PPT1: variants seen among roughly 807,000 people sequenced by gnomAD.
The protein encoded by PPT1 is palmitoyl-protein thioesterase 1, also known as ceroid-palmitoyl-palmitoyl-protein thioesterase 1.
PPT1 carries 24 observed loss-of-function variants against 44.0 expected under a neutral mutation model. That is an observed-to-expected ratio of 0.54 (90% CI 0.39 to 0.77). The LOEUF (loss-of-function observed/expected upper bound fraction) is 0.77, where lower values mean the gene tolerates loss of function less well. Ranked by LOEUF, PPT1 falls within the 30% of genes least tolerant of loss-of-function variation. The probability of loss-of-function intolerance (pLI) is 0.00; values close to 1 mark genes in which losing one functional copy is unlikely to be tolerated. For synonymous variants in PPT1, 148 were observed against 140.2 expected (o/e 1.06, Z -0.39); for missense variants, 341 against 378.8 (o/e 0.90, Z 0.83).
intron 1 of PPT1, among the ~76,000 whole-genome samples, chr1:40,093,752 G>A (rs539983230): frequency 2.4e-5 from 2 of 84,806 alleles, no homozygotes; most frequent in Non-Finnish European, 5.5e-5. Context: ...GGGTGTGGTG[G>A]CACATGTCTG....
chr1:40,075,622 A>C (rs1648576196), intron 8 of PPT1, among the ~76,000 whole-genome samples: 3 of 152,032 alleles, frequency 2.0e-5, no homozygotes, highest in Non-Finnish European at 4.4e-5. Flanking sequence ...GTAGACGGTG[A>C]TTGGTTCAGA....
intron 1 of PPT1, among the ~76,000 whole-genome samples, chr1:40,096,383 C>A (rs1649842611): frequency 6.6e-6 from 1 of 152,152 alleles, no homozygotes; most frequent in Non-Finnish European, 1.5e-5. Flanking sequence ...CTAGTAGGTG[C>A]TCAATAACTG....
Position 40,074,374 on chromosome 1 carries a change from TTCTC to T in PPT1, c.799-195_799-192del, listed in dbSNP as rs142249638. ...CTTTCTCTTTTTTCTTTTTCTTTCT[TTCTC>T]TTTCTTCCTTTCTTTTCTTTCTTCT... On this transcript the variant is annotated intron_variant, in intron 8 of 8. Coordinates refer to ENST00000642050, the MANE Select transcript of PPT1 (RefSeq NM_000310.4). Among the ~76,000 whole-genome samples the T allele has an allele frequency of 9.7e-4, 147 of 151,812 alleles. 3 individuals are homozygous for T. In the East Asian group the frequency reaches 0.026, roughly 27 times the overall value.
rs1443229687 is a variant in PPT1 at position 40,073,291 on chromosome 1, C to T, written c.*770G>A. 6.6e-6 allele frequency: 1 copy of T among 152,276 alleles called. No individual in the cohort carries two copies. Among genetic ancestry groups the T allele is most frequent in the Non-Finnish European group, 1.5e-5 (1 of 68,114 alleles). The allele number at this position is 152,276 out of a possible 1,614,324, so 9.4% of individuals were successfully genotyped here. A position where few individuals can be genotyped will look rare whatever the true frequency, so the allele number is the denominator to read the frequency against. On this transcript the variant is annotated 3_prime_UTR_variant, in exon 9 of 9. Transcript: ENST00000642050. ...GACCACTAGTCATATTAAGAAAGGG[C>T]AGGTTGGTCGAGAATGGAATAGGAA...
chr1:40,096,799 C>T (rs1649874401), intron 1 of PPT1: 1 of 396,292 alleles, frequency 2.5e-6, no homozygotes, highest in South Asian at 2.6e-5. Context: ...TATAGCCAGC[C>T]GCAGCTCACC....
At chr1:40,085,427 G>A (rs540967205) in intron 5 of PPT1, among the ~76,000 whole-genome samples, 3 of 152,172 alleles carry the variant, frequency 2.0e-5, no homozygotes, top group South Asian at 2.1e-4. Flanking sequence ...ATTCGGGGCC[G>A]CTACCAGTCT....
rs984412305 is a variant in PPT1 at position 40,085,178 on chromosome 1, C to T, written c.536+4232G>A. On this transcript the variant is annotated intron_variant, in intron 5 of 8. Coordinates refer to ENST00000642050, the MANE Select transcript of PPT1 (RefSeq NM_000310.4). ...TTCATGTTCCATCCTGTACACCTGGCTCTGCCTTTTAGATAGCAGTAGCAA... is the reference window on the plus strand; with the variant it reads ...TTCATGTTCCATCCTGTACACCTGGTTCTGCCTTTTAGATAGCAGTAGCAA... Among the ~76,000 whole-genome samples the T allele has an allele frequency of 3.9e-5, 6 of 152,204 alleles. No homozygotes were observed. The South Asian group carries it at 1.0e-3, about 26-fold the overall frequency.
At chr1:40,092,346 G>A in intron 2 of PPT1, 52 bp downstream of exon 2, 1 of 1,528,874 alleles carries the variant, frequency 6.5e-7, no homozygotes, top group South Asian at 1.1e-5. Flanking sequence ...AACAGTATAT[G>A]CTATGAAATC....
intron 7 of PPT1, 108 bp downstream of exon 7, chr1:40,078,452 T>C: frequency 1.8e-6 from 2 of 1,118,164 alleles, no homozygotes; most frequent in South Asian, 2.5e-5. Context: ...TCCACCCGCC[T>C]TGGCCTCCCA....
intron 1 of PPT1, 184 bp downstream of exon 1, chr1:40,096,931 A>G: frequency 9.6e-7 from 1 of 1,045,636 alleles, no homozygotes; most frequent in Non-Finnish European, 1.4e-6. Context: ...CTCTCTTTCC[A>G]GTGAAGGGGA....
intron 6 of PPT1, among the ~76,000 whole-genome samples, chr1:40,079,827 C>T (rs1369210256): frequency 3.9e-5 from 6 of 152,174 alleles, no homozygotes; most frequent in Admixed American, 3.9e-4. Flanking sequence ...TCAGAGAAAG[C>T]CAAGACAAAA....
chr1:40,079,392 C>CTTTTTTTTTTTTTT (rs11464192), intron 6 of PPT1, among the ~76,000 whole-genome samples: 6 of 90,116 alleles, frequency 6.7e-5, no homozygotes, highest in Non-Finnish European at 7.9e-5. Context: ...TTTTCTTTTC[C>CTTTTTTTTTTTTTT]TTTTTTTTTT....
Position 40,089,514 on chromosome 1 carries a change from TAC to T in PPT1, c.434-4_434-3del. 1 of 1,608,566 alleles carries T rather than the reference TAC, an allele frequency of 6.2e-7. No homozygotes were observed. Among genetic ancestry groups the T allele is most frequent in the Non-Finnish European group, 8.5e-7 (1 of 1,174,902 alleles). On this transcript the variant is annotated splice_polypyrimidine_tract_variant and splice_region_variant and intron_variant, in intron 4 of 8. Coordinates refer to ENST00000642050, the MANE Select transcript of PPT1 (RefSeq NM_000310.4). ...GGCATCGAGGGAGTCCAAAAACACC[TAC>T]AGTGGTAGATGACAAATATCCACTC...
At chr1:40,079,370 G>C (rs996581809) in intron 6 of PPT1, among the ~76,000 whole-genome samples, 2 of 144,718 alleles carry the variant, frequency 1.4e-5, no homozygotes, top group African/African-American at 5.1e-5. Context: ...TCACGGGATT[G>C]CTTACACAGC....
intron 8 of PPT1, 47 bp from the exon 9 acceptor site, chr1:40,074,230 TG>T: frequency 6.2e-7 from 1 of 1,608,106 alleles, no homozygotes; most frequent in Non-Finnish European, 8.5e-7. Context: ...AATGAAGTTT[TG>T]GAGTAAAATG....
intron 5 of PPT1, among the ~76,000 whole-genome samples, chr1:40,080,984 A>G (rs1327666480): frequency 6.6e-6 from 1 of 152,212 alleles, no homozygotes; most frequent in Non-Finnish European, 1.5e-5. Context: ...CCTTGTTGAG[A>G]CAGACTGTTC....
intron 7 of PPT1, among the ~76,000 whole-genome samples, chr1:40,077,651 C>T (rs1479583156): frequency 1.3e-5 from 2 of 152,154 alleles, no homozygotes; most frequent in African/African-American, 2.4e-5. Flanking sequence ...TGTGACATAA[C>T]GTGATGAGTG....
At chr1:40,093,413 T>C (rs1347307041) in intron 1 of PPT1, among the ~76,000 whole-genome samples, 1 of 103,004 alleles carries the variant, frequency 9.7e-6, no homozygotes, top group Non-Finnish European at 2.2e-5. Flanking sequence ...GCTATGTGTG[T>C]TTTTCTGGGG....
Position 40,080,494 on chromosome 1 carries a change from GAAAAAAAAAGA to G in PPT1, c.537-18_537-8del. ...GTATTCGGCTTGCACGAGGCTGTAG[GAAAAAAAAAGA>G]ATGAGGTGATCAAGCTACAGGTCAG... On this transcript the variant is annotated splice_polypyrimidine_tract_variant and splice_region_variant and intron_variant, in intron 5 of 8. Transcript: ENST00000642050. 6.2e-7 allele frequency: 1 copy of G among 1,602,680 alleles called. No homozygotes were observed. The highest frequency in any genetic ancestry group is 8.5e-7 in the Non-Finnish European group (1 of 1,172,322).
Sources: allele counts gnomAD v4.1 joint callset (sites outside exome capture counted in the v4.1 genomes callset), GRCh38; gene constraint gnomAD v4.1.1; transcripts MANE v1.5; gene names NCBI Gene and HGNC (gene_info 2026-07-23, HGNC 2026-07-21).